Variants in TMEM132E observed in about 807,000 individuals in gnomAD.
The protein encoded by TMEM132E is transmembrane protein 132E.
In TMEM132E, 49 loss-of-function variants were observed where a neutral mutation model predicts 78.5. The ratio of observed to expected loss-of-function variants is 0.62; its 90% confidence interval spans 0.50 to 0.79. The LOEUF (loss-of-function observed/expected upper bound fraction) is 0.79, where lower values mean the gene tolerates loss of function less well. TMEM132E is among the 30% of genes least tolerant of loss of function. The pLI is 0.00. For synonymous variants in TMEM132E, 715 were observed against 670.6 expected (o/e 1.07, Z -1.02); for missense variants, 1,403 against 1,470.9 (o/e 0.95, Z 0.75).
At chr17:34,595,837 C>T (rs886569211) in intron 1 of TMEM132E, among the ~76,000 whole-genome samples, 8 of 152,156 alleles carry the variant, frequency 5.3e-5, no homozygotes, top group African/African-American at 1.7e-4. Flanking sequence ...TCACCTCTGG[C>T]TTCTTCAGGG....
At chr17:34,592,739 T>A (rs1905918022) in intron 1 of TMEM132E, among the ~76,000 whole-genome samples, 1 of 152,242 alleles carries the variant, frequency 6.6e-6, no homozygotes, top group Non-Finnish European at 1.5e-5. Context: ...CAGTAAATGG[T>A]TGCCATAATC....
intron 1 of TMEM132E, among the ~76,000 whole-genome samples, chr17:34,587,522 G>A (rs778425515): frequency 1.3e-5 from 2 of 152,174 alleles, no homozygotes; most frequent in Non-Finnish European, 2.9e-5. Context: ...GATAGTGACT[G>A]ATGACCACTT....
rs545619988 is a variant in TMEM132E, at chr17:34,605,775, T to C, written c.68-20352T>C. ...GTTGCTTTAGGCTGGGTTCAGCTGG[T>C]TGGACTCCCAGCTGCTGATTTGGTC... On this transcript the variant is annotated intron_variant, in intron 1 of 8. Coordinates refer to ENST00000631683, the MANE Select transcript of TMEM132E (RefSeq NM_001304438.2). 8.3e-4 allele frequency among the ~76,000 whole-genome samples: 127 copies of C among 152,348 alleles called. 1 individual carries two copies. Among genetic ancestry groups the C allele is most frequent in the African/African-American group, 2.9e-3 (121 of 41,582 alleles).
chr17:34,626,802 C>T lies in TMEM132E; in HGVS notation c.743C>T (p.Ser248Phe). 1.3e-6 allele frequency: 2 copies of T among 1,521,606 alleles called. No homozygotes were observed. Among genetic ancestry groups the T allele is most frequent in the Non-Finnish European group, 1.8e-6 (2 of 1,138,210 alleles). The allele number at this position is 1,521,606 out of a possible 1,614,324, so 94.3% of individuals were successfully genotyped here. Residue 248 changes from serine (S) to phenylalanine (F), a missense_variant, in exon 2 of 9, where the codon TCC becomes TTC. Physicochemically the swap from Ser to Phe is radical, Grantham distance 155. Coordinates refer to ENST00000631683, the MANE Select transcript of TMEM132E (RefSeq NM_001304438.2). ...GATGCGTCGGGGGGCTGCGGGGGCT[C>T]CCGCCGGGGGGCCGGGCCCGGGGTG... The part of the protein sequence containing the change: ...APDASGGCGG[S>F]RRGAGPGVGA...
At chr17:34,624,080 C>T (rs1007425862) in intron 1 of TMEM132E, among the ~76,000 whole-genome samples, 12 of 152,190 alleles carry the variant, frequency 7.9e-5, no homozygotes, top group Non-Finnish European at 1.6e-4. Context: ...CAACTGACCC[C>T]GAGGGCCTTT....
At chr17:34,627,467 C>CGTGTGCGTGTGTGTGTGTGTGTGTGT (rs146318983) in intron 2 of TMEM132E, among the ~76,000 whole-genome samples, 2 of 126,470 alleles carry the variant, frequency 1.6e-5, no homozygotes, top group African/African-American at 6.0e-5. Context: ...CCAAAAGAAT[C>CGTGTGCGTGTGTGTGTGTGTGTGTGT]GTGTGTGTGT....
chr17:34,629,915 G>C lies in TMEM132E; in HGVS notation c.1339-93G>C, dbSNP rs536190707. ...CTGGAAGGATGTGCATCTGAGGAGT[G>C]GGGGGGGAGCGTCCAGGAGCTGGGG... On this transcript the variant is annotated intron_variant, in intron 4 of 8. Transcript: ENST00000631683. 1.6e-5 allele frequency: 20 copies of C among 1,226,720 alleles called. No individual in the cohort carries two copies. The African/African-American group carries it at 4.6e-4, about 28-fold the overall frequency. The allele number at this position is 1,226,720 out of a possible 1,614,324, so 76.0% of individuals were successfully genotyped here.
rs910138410 is a variant in TMEM132E, at chr17:34,638,664, C to T, written c.*432C>T. 5 of 171,102 alleles carry T rather than the reference C, an allele frequency of 2.9e-5. No individual in the cohort carries two copies. Among genetic ancestry groups the T allele is most frequent in the Non-Finnish European group, 4.9e-5 (4 of 80,990 alleles). 10.6% of individuals were successfully genotyped at this position (171,102 alleles called of 1,614,324 possible). Reference sequence around the variant, plus strand: ...TTCTGTGGGGGTCTTGTGTCACAGGCTGCACAAAGACTTTCCTCAAACTAA... The same window carrying T: ...TTCTGTGGGGGTCTTGTGTCACAGGTTGCACAAAGACTTTCCTCAAACTAA... On this transcript the variant is annotated 3_prime_UTR_variant, in exon 9 of 9. Transcript: ENST00000631683.
chr17:34,623,681 A>G (rs1597688918), intron 1 of TMEM132E, among the ~76,000 whole-genome samples: 1 of 152,210 alleles, frequency 6.6e-6, no homozygotes, highest in African/African-American at 2.4e-5. Context: ...GTGGAAATGG[A>G]GGCTCAAAAT....
At position 34,637,406 on chromosome 17, in the gene TMEM132E, G is replaced by C. The variant is rs752131821; in HGVS notation, c.2399G>C (p.Ser800Thr). The change falls in exon 9 of 9, where the codon AGT (serine) becomes ACT (threonine). Residue 800 changes from serine to threonine, a missense_variant. Coordinates refer to ENST00000631683, the MANE Select transcript of TMEM132E (RefSeq NM_001304438.2). ...AGCTGCCAGAAAACCAAACGCAAGAGTGTGCTCGCCACGACCCCTGTGGGC... is the reference window on the plus strand; with the variant it reads ...AGCTGCCAGAAAACCAAACGCAAGACTGTGCTCGCCACGACCCCTGTGGGC... ...AESCQKTKRK[S>T]VLATTPVGLR... 1 of 1,613,834 alleles carries C rather than the reference G, an allele frequency of 6.2e-7. No individual in the cohort carries two copies. The highest frequency in any genetic ancestry group is 1.1e-5 in the South Asian group (1 of 91,092).
At chr17:34,616,374 CA>C (rs1279490414) in intron 1 of TMEM132E, among the ~76,000 whole-genome samples, 1 of 152,212 alleles carries the variant, frequency 6.6e-6, no homozygotes, top group Admixed American at 6.5e-5. Flanking sequence ...AGGGAGTAGG[CA>C]AGAGCCATCT....
At chr17:34,635,401 A>T (rs1907488799) in intron 7 of TMEM132E, among the ~76,000 whole-genome samples, 1 of 152,140 alleles carries the variant, frequency 6.6e-6, no homozygotes, top group African/African-American at 2.4e-5. Flanking sequence ...TAGGAACTCA[A>T]CTTTGACCTT....
chr17:34,637,661 C>G lies in TMEM132E; in HGVS notation c.2654C>G (p.Thr885Arg). 1 of 1,609,146 alleles carries G rather than the reference C, an allele frequency of 6.2e-7. No homozygotes were observed. Among genetic ancestry groups the G allele is most frequent in the Non-Finnish European group, 8.5e-7 (1 of 1,179,806 alleles). Reference sequence around the variant, plus strand: ...TTCCTGCAGGTGCCACGGGGTCTGACAGACCTGGAGATCGGCATGTACGCG... The same window carrying G: ...TTCCTGCAGGTGCCACGGGGTCTGAGAGACCTGGAGATCGGCATGTACGCG... ...TGFLQVPRGL[T>R]DLEIGMYALL... The change falls in exon 9 of 9, where the codon ACA becomes AGA. Residue 885 changes from threonine (T) to arginine (R), a missense_variant. Thr to Arg is a moderately conservative substitution (Grantham distance 71, BLOSUM62 -1). This residue lies in a region of TMEM132E where 888 missense variants were observed against 952.8 expected (regional missense o/e 0.93). Coordinates refer to ENST00000631683, the MANE Select transcript of TMEM132E (RefSeq NM_001304438.2).
intron 3 of TMEM132E, 35 bp downstream of exon 3, chr17:34,628,744 G>C: frequency 6.5e-7 from 1 of 1,543,778 alleles, no homozygotes; most frequent in South Asian, 1.2e-5. Flanking sequence ...CCACCTCTTC[G>C]CAAAGCAGCC....
intron 1 of TMEM132E, among the ~76,000 whole-genome samples, chr17:34,596,481 G>T (rs541647746): frequency 6.6e-6 from 1 of 152,246 alleles, no homozygotes; most frequent in South Asian, 2.1e-4. Context: ...CATAGAGGAT[G>T]TGTCACACCC....
At chr17:34,630,482 G>T (rs1235501013) in intron 5 of TMEM132E, among the ~76,000 whole-genome samples, 1 of 152,164 alleles carries the variant, frequency 6.6e-6, no homozygotes, top group Non-Finnish European at 1.5e-5. Flanking sequence ...CAGACAGTCA[G>T]GCCAGAGGGG....
At position 34,627,044 on chromosome 17, in the gene TMEM132E, C is replaced by A. The variant is rs1239488255; in HGVS notation, c.985C>A (p.His329Asn). Residue 329 changes from histidine to asparagine, a missense_variant, in exon 2 of 9, where the codon CAC becomes AAC. His to Asn is a moderately conservative substitution (Grantham distance 68). Transcript: ENST00000631683. ...CTCGCCCTCCAGCCCCAGCGTGGAG[C>A]ACTTCACACTCAGGTAGTAGGGAAG... ...SSSPSSPSVE[H>N]FTLRVKAKKG... 1 of 1,613,058 alleles carries A rather than the reference C, an allele frequency of 6.2e-7. No individual in the cohort carries two copies. Among genetic ancestry groups the A allele is most frequent in the East Asian group, 2.2e-5 (1 of 44,844 alleles).
intron 1 of TMEM132E, among the ~76,000 whole-genome samples, chr17:34,600,183 C>T (rs557206060): frequency 2.6e-5 from 4 of 152,332 alleles, no homozygotes; most frequent in Admixed American, 2.0e-4. Flanking sequence ...CTTAGAACCA[C>T]TCTTTAGTCT....
chr17:34,588,574 A>G (rs1905757277), intron 1 of TMEM132E, among the ~76,000 whole-genome samples: 1 of 152,232 alleles, frequency 6.6e-6, no homozygotes, highest in Non-Finnish European at 1.5e-5. Context: ...GGTTGTAGTC[A>G]GCGCACACAA....
Sources: allele counts gnomAD v4.1 joint callset (sites outside exome capture counted in the v4.1 genomes callset), GRCh38; gene constraint gnomAD v4.1.1; regional missense constraint gnomAD v4.1.1; transcripts MANE v1.5; gene names NCBI Gene and HGNC (gene_info 2026-07-23, HGNC 2026-07-21).